DMD: variants seen among roughly 807,000 people sequenced by gnomAD.
The protein encoded by DMD is dystrophin.
Under a neutral mutation model 330.1 loss-of-function variants are expected in DMD, and 63 were observed. That is an observed-to-expected ratio of 0.19 (90% confidence interval 0.16 to 0.24). The LOEUF is 0.24. Ranked by LOEUF, DMD falls within the 10% of genes least tolerant of loss-of-function variation. The pLI is 1.00. For missense variants in DMD, 3,344 were observed against 2,684.1 expected (o/e 1.25, Z -5.43); for synonymous variants, 1,223 against 959.8 (o/e 1.27, Z -5.07).
chrX:32,651,917 C>A (rs16998354), intron 9 of DMD, among the ~76,000 whole-genome samples: 2 of 111,536 alleles, frequency 1.8e-5, no homozygotes, highest in Admixed American at 9.5e-5. Context: ...TCGAACTCTG[C>A]GCCTTCTGTT....
chrX:31,898,920 G>A (rs1193709862), intron 47 of DMD, among the ~76,000 whole-genome samples: 1 of 111,825 alleles, frequency 8.9e-6, no homozygotes, highest in Admixed American at 9.5e-5. Flanking sequence ...AGTGAAGGTT[G>A]CCATTTAGTT....
At chrX:31,881,423 T>C (rs894352039) in intron 47 of DMD, among the ~76,000 whole-genome samples, 4 of 108,072 alleles carry the variant, frequency 3.7e-5, no homozygotes, top group Non-Finnish European at 7.6e-5. Context: ...GATAAAAATG[T>C]GTCCTCATAA....
chrX:32,096,818 C>T lies in DMD; in HGVS notation c.6438+120098G>A, dbSNP rs184626349. 3.7e-3 allele frequency among the ~76,000 whole-genome samples: 410 copies of T among 111,634 alleles called. 1 individual carries two copies. Among genetic ancestry groups the T allele is most frequent in the African/African-American group, 0.013 (391 of 30,765 alleles). On this transcript the variant is annotated intron_variant, in intron 44 of 78. Coordinates refer to ENST00000357033, the MANE Select transcript of DMD (RefSeq NM_004006.3). ...CCATCATTAAGACAAGCGGATTTTTCGGAGACTTTAGCATGAGTCCAGATG... is the reference window on the plus strand; with the variant it reads ...CCATCATTAAGACAAGCGGATTTTTTGGAGACTTTAGCATGAGTCCAGATG...
chrX:31,596,399 T>G (rs2077116393), intron 55 of DMD, among the ~76,000 whole-genome samples: 1 of 111,948 alleles, frequency 8.9e-6, no homozygotes, highest in African/African-American at 3.2e-5. Flanking sequence ...AGTTCTCTGT[T>G]TAAGCATATT....
intron 1 of DMD, among the ~76,000 whole-genome samples, chrX:33,243,909 ATGATGAGAAAT>A (rs1201966689): frequency 8.9e-6 from 1 of 111,877 alleles, no homozygotes; most frequent in Non-Finnish European, 1.9e-5. Flanking sequence ...AGGGGGTTGT[ATGATGAGAAAT>A]TACTTAATGT....
intron 1 of DMD, among the ~76,000 whole-genome samples, chrX:33,140,638 C>T (rs2047747626): frequency 8.9e-6 from 1 of 112,043 alleles, no homozygotes; most frequent in African/African-American, 3.2e-5. Context: ...TATCCATTTA[C>T]TTACACAACA....
chrX:32,784,748 C>T (rs747381032), intron 7 of DMD, among the ~76,000 whole-genome samples: 36 of 111,513 alleles, frequency 3.2e-4, no homozygotes, highest in Admixed American at 2.9e-3. Context: ...TATGATGCAG[C>T]CACATTTTCA....
chrX:32,851,202 C>G (rs955252505), intron 2 of DMD, among the ~76,000 whole-genome samples: 13 of 111,396 alleles, frequency 1.2e-4, no homozygotes, highest in African/African-American at 4.2e-4. Flanking sequence ...AGGATTTAGA[C>G]TATTCCTACA....
rs1164625872 is a variant in DMD, at chrX:31,182,767, G to A, written c.9945C>T (p.Ile3315=). The A allele has an allele frequency of 8.3e-7, 1 of 1,207,088 alleles. No homozygotes were observed. Among genetic ancestry groups the A allele is most frequent in the Non-Finnish European group, 1.1e-6 (1 of 894,204 alleles). ...ATCCAATGATTGGACACTCTTTGCA[G>A]ATGTTACATTTGGCCTGATGCTTGG... ...ETAKHQAKCN[I]CKECPIIGFR... The change falls in exon 68 of 79, where the codon ATC becomes ATT. Residue 3315 remains isoleucine, a synonymous_variant. Transcript: ENST00000357033.
At chrX:32,976,729 A>G (rs969211329) in intron 2 of DMD, among the ~76,000 whole-genome samples, 1 of 111,862 alleles carries the variant, frequency 8.9e-6, no homozygotes, top group Non-Finnish European at 1.9e-5. Flanking sequence ...ACATTTATCT[A>G]GAGCAGTATG....
chrX:31,785,148 C>A (rs1446122469), intron 50 of DMD, among the ~76,000 whole-genome samples: 2 of 112,030 alleles, frequency 1.8e-5, no homozygotes, highest in Non-Finnish European at 1.9e-5. Context: ...CATGGGTGTA[C>A]CTTGAAGACA....
intron 1 of DMD, among the ~76,000 whole-genome samples, chrX:33,229,067 T>C (rs2052342792): frequency 9.0e-6 from 1 of 111,082 alleles, no homozygotes; most frequent in Non-Finnish European, 1.9e-5. Flanking sequence ...TAATTTATTT[T>C]TGGATTTTTG....
chrX:31,885,111 T>C (rs2094131674), intron 47 of DMD, among the ~76,000 whole-genome samples: 1 of 111,429 alleles, frequency 9.0e-6, no homozygotes, highest in Non-Finnish European at 1.9e-5. Context: ...TTCACTTTCT[T>C]ATTCTACCCA....
At chrX:32,428,079 G>A in intron 29 of DMD, among the ~76,000 whole-genome samples, 1 of 110,676 alleles carries the variant, frequency 9.0e-6, no homozygotes. Context: ...TTCTGCTCTT[G>A]AATTCTTCTC....
In DMD at chrX:32,849,633, G is replaced by A. The variant is rs2080969639; in HGVS notation, c.186+95C>T. The stretch of plus-strand genomic sequence containing the variant: ...GTATTGCTGTTTCAATCAGTACCTA[G>A]TCATTCTACTAGATGTCATAAAACT... On this transcript the variant is annotated intron_variant, in intron 3 of 78. Coordinates refer to ENST00000357033, the MANE Select transcript of DMD (RefSeq NM_004006.3). 45 of 652,126 alleles carry A rather than the reference G, an allele frequency of 6.9e-5. No homozygotes were observed. The South Asian group carries it at 1.0e-3, about 15-fold the overall frequency. 53.7% of individuals were successfully genotyped at this position (652,126 alleles called of 1,213,427 possible). A position where few individuals can be genotyped will look rare whatever the true frequency, so the allele number is the denominator to read the frequency against.
At chrX:32,598,744 T>C (rs780469815) in intron 12 of DMD, among the ~76,000 whole-genome samples, 1 of 112,293 alleles carries the variant, frequency 8.9e-6, no homozygotes, top group East Asian at 2.8e-4. Context: ...CATCTATTTG[T>C]TTTATAATTG....
intron 44 of DMD, among the ~76,000 whole-genome samples, chrX:32,205,262 G>T (rs1269478721): frequency 2.0e-5 from 2 of 100,620 alleles, no homozygotes; most frequent in Non-Finnish European, 3.9e-5. Flanking sequence ...AATGTCCTCA[G>T]CATTATTTTG....
At chrX:31,142,531 G>T (rs1464264543) in intron 76 of DMD, among the ~76,000 whole-genome samples, 1 of 112,370 alleles carries the variant, frequency 8.9e-6, no homozygotes, top group Non-Finnish European at 1.9e-5. Context: ...TTGCAGTTTT[G>T]CCATAAGTTT....
intron 63 of DMD, among the ~76,000 whole-genome samples, chrX:31,230,841 C>T (rs2047126874): frequency 8.9e-6 from 1 of 111,951 alleles, no homozygotes; most frequent in African/African-American, 3.2e-5. Context: ...TCTTGCTTGG[C>T]CTTCCTCAGC....
Sources: gnomAD v4.1 joint callset for allele counts (sites outside exome capture counted in the v4.1 genomes callset) on GRCh38, gnomAD v4.1.1 for gene constraint, MANE v1.5 for transcripts, NCBI Gene and HGNC (gene_info 2026-07-23, HGNC 2026-07-21) for gene names.